The following CCDC146 variants were observed in gnomAD, a reference collection of about 807,000 sequenced individuals.
CCDC146 encodes coiled-coil domain-containing protein 146.
Under a neutral mutation model 119.3 loss-of-function variants are expected in CCDC146, and 92 were observed. The ratio of observed to expected loss-of-function variants is 0.77; its 90% CI spans 0.65 to 0.92. The LOEUF is 0.92. Ranked by LOEUF, CCDC146 falls within the 40% of genes least tolerant of loss-of-function variation. The pLI is 0.00. For synonymous variants in CCDC146, 372 were observed against 371.8 expected, an observed-to-expected ratio of 1.00 and a Z score of -0.01; for missense variants, 1,000 against 1,103.0, an observed-to-expected ratio of 0.91 and a Z score of 1.32.
intron 7 of CCDC146, 81 bp downstream of exon 7, chr7:77,259,149 A>G: frequency 2.5e-6 from 2 of 807,920 alleles, no homozygotes; most frequent in Non-Finnish European, 4.1e-6. Context: ...TAACCATTGG[A>G]CACATTAAAT....
chr7:77,203,782 A>G (rs1792037245), intron 2 of CCDC146, among the ~76,000 whole-genome samples: 2 of 152,326 alleles, frequency 1.3e-5, no homozygotes, highest in Middle Eastern at 3.4e-3. Flanking sequence ...GCACTGACAC[A>G]TTACACTCAC....
At chr7:77,202,892 T>A (rs1792018073) in intron 2 of CCDC146, among the ~76,000 whole-genome samples, 1 of 152,228 alleles carries the variant, frequency 6.6e-6, no homozygotes, top group Non-Finnish European at 1.5e-5. Flanking sequence ...ATATCTTTTC[T>A]CTTTGCCACA....
rs1212429377 is a variant in CCDC146 at position 77,294,737 on chromosome 7, C to T, written c.2739C>T (p.Tyr913=). 2 of 1,614,058 alleles carry T rather than the reference C, an allele frequency of 1.2e-6. No individual in the cohort carries two copies. The highest frequency in any genetic ancestry group is 2.2e-5 in the East Asian group (1 of 44,898). The change falls in exon 19 of 19, where the codon TAC becomes TAT. Residue 913 remains tyrosine (Y), a synonymous_variant. Coordinates refer to ENST00000285871, the MANE Select transcript of CCDC146 (RefSeq NM_020879.3). ...CTGCAGAGCAGCGTCCGAATGCCTA[C>T]ATCCCAGAAGCAGATGCCACTCTTC... The part of the protein sequence containing the change: ...YTTAEQRPNA[Y]IPEADATLPL...
chr7:77,219,590 G>C (rs1792363940), intron 2 of CCDC146, among the ~76,000 whole-genome samples: 1 of 152,184 alleles, frequency 6.6e-6, no homozygotes, highest in African/African-American at 2.4e-5. Flanking sequence ...TAAACTAAAA[G>C]ATTCTGAGGC....
intron 1 of CCDC146, among the ~76,000 whole-genome samples, chr7:77,128,352 G>A (rs1031444540): frequency 6.6e-6 from 1 of 151,910 alleles, no homozygotes; most frequent in Non-Finnish European, 1.5e-5. Flanking sequence ...CATGGGCCAG[G>A]TTTTCGATTT....
chr7:77,247,704 C>G (rs1220681779), intron 4 of CCDC146, among the ~76,000 whole-genome samples: 1 of 152,162 alleles, frequency 6.6e-6, no homozygotes, highest in Non-Finnish European at 1.5e-5. Flanking sequence ...AAGTTCATCA[C>G]TAATCAGAGA....
chr7:77,284,165 C>T (rs972482071), intron 15 of CCDC146, among the ~76,000 whole-genome samples: 3 of 152,196 alleles, frequency 2.0e-5, no homozygotes, highest in African/African-American at 7.2e-5. Context: ...TCAAGCGAGG[C>T]CTCTGTGGAC....
intron 14 of CCDC146, among the ~76,000 whole-genome samples, 187 bp downstream of exon 14, chr7:77,280,840 T>C (rs1453242924): frequency 1.3e-5 from 2 of 152,084 alleles, no homozygotes; most frequent in East Asian, 3.9e-4. Flanking sequence ...CTGGGCACAG[T>C]GGCATGATCC....
intron 2 of CCDC146, among the ~76,000 whole-genome samples, chr7:77,174,576 G>A (rs1411387264): frequency 3.3e-5 from 5 of 152,156 alleles, no homozygotes; most frequent in African/African-American, 7.2e-5. Flanking sequence ...GAAAGGGGCA[G>A]TAACTTCCTG....
chr7:77,275,405 G>A (rs1319219754), intron 11 of CCDC146, among the ~76,000 whole-genome samples: 1 of 152,206 alleles, frequency 6.6e-6, no homozygotes, highest in Non-Finnish European at 1.5e-5. Flanking sequence ...TGCACTGAAA[G>A]ATAGTCCCAA....
chr7:77,156,915 C>G (rs903107529), intron 1 of CCDC146, among the ~76,000 whole-genome samples: 1 of 149,676 alleles, frequency 6.7e-6, no homozygotes, highest in African/African-American at 2.5e-5. Flanking sequence ...CATATAATTA[C>G]CAGAGATACA....
At chr7:77,211,223 T>C (rs1328902862) in intron 2 of CCDC146, among the ~76,000 whole-genome samples, 1 of 152,182 alleles carries the variant, frequency 6.6e-6, no homozygotes, top group African/African-American at 2.4e-5. Context: ...ATTATCATTT[T>C]TTTCTTGTGG....
intron 2 of CCDC146, among the ~76,000 whole-genome samples, chr7:77,188,541 G>A (rs754522532): frequency 6.6e-6 from 1 of 152,088 alleles, no homozygotes; most frequent in Non-Finnish European, 1.5e-5. Context: ...ATGCATATGT[G>A]TATCTACTTA....
At chr7:77,274,130 A>C (rs184988957) in intron 10 of CCDC146, among the ~76,000 whole-genome samples, 101 of 152,348 alleles carry the variant, frequency 6.6e-4, no homozygotes, top group Admixed American at 2.5e-3. Context: ...TAGTCACTTG[A>C]AAATACAGTC....
At chr7:77,265,041 T>G in intron 9 of CCDC146, among the ~76,000 whole-genome samples, 1 of 152,234 alleles carries the variant, frequency 6.6e-6, no homozygotes, top group East Asian at 1.9e-4. Context: ...ACTCCAACTT[T>G]CCAAGTTATT....
intron 2 of CCDC146, among the ~76,000 whole-genome samples, chr7:77,208,149 C>A (rs1467785158): frequency 6.6e-6 from 1 of 152,208 alleles, no homozygotes; most frequent in Non-Finnish European, 1.5e-5. Context: ...AATTCCCTTT[C>A]ACTTTGCCAC....
At chr7:77,169,419 G>A (rs188362146) in intron 2 of CCDC146, among the ~76,000 whole-genome samples, 3 of 152,330 alleles carry the variant, frequency 2.0e-5, no homozygotes, top group Non-Finnish European at 4.4e-5. Flanking sequence ...AGACTATGTG[G>A]TTGTCTTACT....
intron 4 of CCDC146, among the ~76,000 whole-genome samples, chr7:77,243,910 G>T (rs1025250759): frequency 2.0e-5 from 3 of 152,208 alleles, no homozygotes; most frequent in Admixed American, 6.5e-5. Context: ...ACAGAGTCGT[G>T]CTCTGTCGCC....
intron 2 of CCDC146, among the ~76,000 whole-genome samples, chr7:77,203,042 C>CA (rs1209667054): frequency 6.9e-6 from 1 of 145,750 alleles, no homozygotes; most frequent in African/African-American, 2.5e-5. Context: ...CCCCCCCCCC[C>CA]CCCAGGACTA....
Sources: gnomAD v4.1 joint callset for allele counts (sites outside exome capture counted in the v4.1 genomes callset) on GRCh38, gnomAD v4.1.1 for gene constraint, MANE v1.5 for transcripts, NCBI Gene and HGNC (gene_info 2026-07-23, HGNC 2026-07-21) for gene names.